AGTPBP1: variants seen among roughly 807,000 people sequenced by gnomAD.
The protein encoded by AGTPBP1 is ATP/GTP binding carboxypeptidase 1.
A neutral mutation model predicts 143.9 loss-of-function variants in AGTPBP1; 70 were observed. The ratio of observed to expected loss-of-function variants is 0.49; its 90% CI spans 0.40 to 0.59. The LOEUF (loss-of-function observed/expected upper bound fraction) is 0.59, where lower values mean the gene tolerates loss of function less well. AGTPBP1 is among the 20% of genes least tolerant of loss of function. The pLI is 0.00. For synonymous variants in AGTPBP1, 463 were observed against 500.2 expected (o/e 0.93, Z 0.99); for missense variants, 1,229 against 1,464.5 (o/e 0.84, Z 2.62).
chr9:85,727,299 C>G (rs1044825916), intron 1 of AGTPBP1, among the ~76,000 whole-genome samples: 8 of 152,156 alleles, frequency 5.3e-5, no homozygotes, highest in African/African-American at 1.9e-4. Context: ...TGCACTCCAG[C>G]CTGGGCAACA....
At position 85,633,029 on chromosome 9, in the gene AGTPBP1, A is replaced by G; in HGVS notation, c.1648T>C (p.Phe550Leu). The G allele has an allele frequency of 6.2e-7, 1 of 1,614,164 alleles. No homozygotes were observed. Among genetic ancestry groups the G allele is most frequent in the South Asian group, 1.1e-5 (1 of 91,086 alleles). Residue 550 changes from phenylalanine (F) to leucine (L), a missense_variant, in exon 14 of 26, where the codon TTT (phenylalanine) becomes CTT (leucine). Phe to Leu is a conservative substitution (Grantham distance 22). This residue lies in a region of AGTPBP1 where 743 missense variants were observed against 812.2 expected (regional missense o/e 0.91). Transcript: ENST00000357081. ...CAGTCCTTCTTCATTTCTGCAGTAAAACCTGGGGCTGTTTGAGAAGGAATA... is the reference window on the plus strand; with the variant it reads ...CAGTCCTTCTTCATTTCTGCAGTAAGACCTGGGGCTGTTTGAGAAGGAATA... ...QNIPSQTAPG[F>L]TAEMKKDCSL...
chr9:85,705,141 A>G (rs1355659757), intron 2 of AGTPBP1, among the ~76,000 whole-genome samples: 1 of 152,034 alleles, frequency 6.6e-6, no homozygotes, highest in Admixed American at 6.6e-5. Flanking sequence ...ATGTAATAAA[A>G]TTATGACCAA....
Position 85,588,388 on chromosome 9 carries a change from A to T in AGTPBP1, c.2813T>A (p.Met938Lys). 6.2e-7 allele frequency: 1 copy of T among 1,613,688 alleles called. No individual in the cohort carries two copies. Among genetic ancestry groups the T allele is most frequent in the Non-Finnish European group, 8.5e-7 (1 of 1,179,718 alleles). ...GCTCTGAGCAGTGGGGTTATTGCTCATGAGATATTCCAACGTTCCTTTCAT... is the reference window on the plus strand; with the variant it reads ...GCTCTGAGCAGTGGGGTTATTGCTCTTGAGATATTCCAACGTTCCTTTCAT... ...WVMKGTLEYL[M>K]SNNPTAQSLR... Residue 938 changes from methionine to lysine, a missense_variant, in exon 21 of 26, where the codon ATG (methionine) becomes AAG (lysine). Met to Lys is a moderately conservative substitution (Grantham distance 95). Transcript: ENST00000357081.
At chr9:85,611,155 C>CTTTTTTTT (rs56023115) in intron 17 of AGTPBP1, among the ~76,000 whole-genome samples, 3 of 112,734 alleles carry the variant, frequency 2.7e-5, no homozygotes, top group Non-Finnish European at 5.4e-5. Context: ...AGGGGCTTTT[C>CTTTTTTTT]TTTTTTTTTT....
chr9:85,563,818 T>C lies in AGTPBP1; in HGVS notation c.3503+11497A>G, dbSNP rs1400837420. ...TTTCAAAAGAGGAGCCACCTGTGCCTGCAGGTTCACACACTCCACTCCCTG... is the reference window on the plus strand; with the variant it reads ...TTTCAAAAGAGGAGCCACCTGTGCCCGCAGGTTCACACACTCCACTCCCTG... On this transcript the variant is annotated intron_variant, in intron 25 of 25. Coordinates refer to ENST00000357081, the MANE Select transcript of AGTPBP1 (RefSeq NM_001330701.2). Among the ~76,000 whole-genome samples the C allele has an allele frequency of 5.3e-5, 8 of 152,332 alleles. No individual in the cohort carries two copies. The East Asian group carries it at 1.5e-3, about 29-fold the overall frequency.
the AGTPBP1 span, among the ~76,000 whole-genome samples, chr9:85,749,880 T>C: frequency 1.1e-5 from 1 of 93,802 alleles, no homozygotes; most frequent in Non-Finnish European, 2.0e-5. Context: ...AGTACTCCTG[T>C]ATCCCTTTTT....
At chr9:85,563,467 T>C (rs1241722426) in intron 25 of AGTPBP1, among the ~76,000 whole-genome samples, 2 of 152,210 alleles carry the variant, frequency 1.3e-5, no homozygotes, top group Non-Finnish European at 2.9e-5. Flanking sequence ...TGAGGATATT[T>C]GGCCAAGGAA....
chr9:85,607,865 C>T (rs750176964), intron 17 of AGTPBP1, among the ~76,000 whole-genome samples: 7 of 152,002 alleles, frequency 4.6e-5, no homozygotes, highest in African/African-American at 1.2e-4. Flanking sequence ...AGGCATCTAT[C>T]GTAAGCTGCA....
intron 3 of AGTPBP1, among the ~76,000 whole-genome samples, chr9:85,689,944 A>ATATATCTC (rs1248531347): frequency 7.3e-6 from 1 of 137,724 alleles, no homozygotes; most frequent in East Asian, 2.0e-4. Context: ...ATATATATAT[A>ATATATCTC]TATCTTAAAG....
At chr9:85,749,396 C>G in the AGTPBP1 span, among the ~76,000 whole-genome samples, 2 of 152,088 alleles carry the variant, frequency 1.3e-5, no homozygotes. Context: ...CAGACTTTCC[C>G]AAAGATATAT....
At position 85,546,805 on chromosome 9, in the gene AGTPBP1, A is replaced by C. The variant is rs189422340; in HGVS notation, c.*304T>G. 3.7e-5 allele frequency: 7 copies of C among 190,786 alleles called. No homozygotes were observed. The Admixed American group carries it at 4.2e-4, about 11-fold the overall frequency. 11.8% of individuals were successfully genotyped at this position (190,786 alleles called of 1,614,324 possible). A position where few individuals can be genotyped will look rare whatever the true frequency, so the allele number is the denominator to read the frequency against. On this transcript the variant is annotated 3_prime_UTR_variant, in exon 26 of 26. Transcript: ENST00000357081. ...AACACACTTCAAAATTATCCACTTG[A>C]TGCAGGATATAACCATAGGGAGATA... is the stretch of plus-strand genomic sequence containing the variant.
At chr9:85,696,710 G>A (rs1418050510) in intron 2 of AGTPBP1, among the ~76,000 whole-genome samples, 1 of 151,922 alleles carries the variant, frequency 6.6e-6, no homozygotes, top group Non-Finnish European at 1.5e-5. Context: ...GATTTGATTT[G>A]CATAATTAAA....
intron 25 of AGTPBP1, among the ~76,000 whole-genome samples, chr9:85,549,721 G>C (rs1162410296): frequency 6.6e-6 from 1 of 152,186 alleles, no homozygotes; most frequent in East Asian, 1.9e-4. Flanking sequence ...TTGGTATCAG[G>C]TGTTGATGTG....
At chr9:85,757,630 C>T in the AGTPBP1 span, among the ~76,000 whole-genome samples, 2 of 152,132 alleles carry the variant, frequency 1.3e-5, no homozygotes, top group African/African-American at 2.4e-5. Flanking sequence ...CACCACACAT[C>T]TTACCAGCTT....
At chr9:85,622,291 A>C (rs901355240) in intron 14 of AGTPBP1, among the ~76,000 whole-genome samples, 1 of 152,220 alleles carries the variant, frequency 6.6e-6, no homozygotes, top group African/African-American at 2.4e-5. Flanking sequence ...AAATCTCAAG[A>C]ATCCATTAAA....
At chr9:85,660,339 T>C (rs1300231023) in intron 9 of AGTPBP1, among the ~76,000 whole-genome samples, 1 of 152,028 alleles carries the variant, frequency 6.6e-6, no homozygotes, top group Non-Finnish European at 1.5e-5. Flanking sequence ...ATAAAGAGAC[T>C]CAGTATCTTG....
At chr9:85,650,683 G>A (rs867341823) in intron 11 of AGTPBP1, among the ~76,000 whole-genome samples, 7 of 152,080 alleles carry the variant, frequency 4.6e-5, no homozygotes, top group Admixed American at 2.6e-4. Flanking sequence ...AAATGCATTC[G>A]CAGGAGTTGC....
chr9:85,673,408 T>G (rs1213161641), intron 6 of AGTPBP1, among the ~76,000 whole-genome samples: 2 of 152,138 alleles, frequency 1.3e-5, no homozygotes, highest in Non-Finnish European at 2.9e-5. Context: ...ATACTTAATA[T>G]GAACCATATT....
At chr9:85,553,420 T>C (rs1253629303) in intron 25 of AGTPBP1, among the ~76,000 whole-genome samples, 1 of 152,238 alleles carries the variant, frequency 6.6e-6, no homozygotes, top group African/African-American at 2.4e-5. Flanking sequence ...TTGCCTTAGA[T>C]GATTTTGCCT....
Sources: gnomAD v4.1 joint callset for allele counts (sites outside exome capture counted in the v4.1 genomes callset) on GRCh38, gnomAD v4.1.1 for gene constraint, gnomAD v4.1.1 regional missense constraint, MANE v1.5 for transcripts, NCBI Gene and HGNC (gene_info 2026-07-23, HGNC 2026-07-21) for gene names.